Variants in TLCD4 observed in about 807,000 individuals in gnomAD.
TLCD4 encodes TLC domain containing 4.
TLCD4 carries 7 observed loss-of-function variants against 24.2 expected under a neutral mutation model. The observed-to-expected ratio is 0.29, with a 90% CI of 0.16 to 0.54. The LOEUF (loss-of-function observed/expected upper bound fraction) is 0.54. Ranked by LOEUF, TLCD4 falls within the 20% of genes least tolerant of loss-of-function variation. The pLI is 0.95. For missense variants in TLCD4, 259 were observed against 313.9 expected (o/e 0.82, Z 1.32); for synonymous variants, 103 against 106.4 (o/e 0.97, Z 0.20).
chr1:95,109,958 T>TACACAC, the TLCD4 span, among the ~76,000 whole-genome samples: 155 of 108,036 alleles, frequency 1.4e-3, 2 homozygotes, highest in Non-Finnish European at 2.2e-3. Context: ...TATATATATA[T>TACACAC]ACACACACAC....
At chr1:95,147,398 G>A (rs1677383138) in intron 2 of TLCD4, among the ~76,000 whole-genome samples, 1 of 152,136 alleles carries the variant, frequency 6.6e-6, no homozygotes, top group African/African-American at 2.4e-5. Flanking sequence ...TTTATCCTGT[G>A]CTCAAGGTGT....
the TLCD4 span, among the ~76,000 whole-genome samples, chr1:95,094,590 C>A: frequency 6.6e-6 from 1 of 152,160 alleles, no homozygotes. Context: ...TATGCCACTG[C>A]ACAGGTTAAA....
chr1:95,126,375 C>T (rs887918643), intron 1 of TLCD4, among the ~76,000 whole-genome samples: 2 of 150,340 alleles, frequency 1.3e-5, no homozygotes, highest in East Asian at 4.0e-4. Context: ...TTGCAGTGAG[C>T]CGAGATCACT....
At chr1:95,165,467 G>GTT (rs992782348) in intron 5 of TLCD4, among the ~76,000 whole-genome samples, 3 of 107,108 alleles carry the variant, frequency 2.8e-5, no homozygotes, top group Admixed American at 8.8e-5. Flanking sequence ...GTGTGTGTGT[G>GTT]TTTTTTTTTT....
At chr1:95,123,627 T>TCC in intron 1 of TLCD4, among the ~76,000 whole-genome samples, 1 of 152,318 alleles carries the variant, frequency 6.6e-6, no homozygotes, top group East Asian at 1.9e-4. Context: ...ACACACCTAG[T>TCC]TATCAGTTTT....
At chr1:95,167,518 T>C (rs1345822275) in intron 5 of TLCD4, among the ~76,000 whole-genome samples, 2 of 152,036 alleles carry the variant, frequency 1.3e-5, no homozygotes, top group African/African-American at 2.4e-5. Context: ...TTGGAACATG[T>C]GCGGGGTCCA....
At chr1:95,189,711 A>G (rs1283659585) in intron 6 of TLCD4, among the ~76,000 whole-genome samples, 1 of 152,144 alleles carries the variant, frequency 6.6e-6, no homozygotes, top group East Asian at 1.9e-4. Flanking sequence ...TTGCTGTTAC[A>G]TTGATAGTTT....
intron 1 of TLCD4, among the ~76,000 whole-genome samples, chr1:95,118,433 G>A (rs1030413384): frequency 7.2e-5 from 11 of 152,148 alleles, no homozygotes; most frequent in African/African-American, 2.7e-4. Context: ...ACATTTGAGT[G>A]TTAATGTGGT....
chr1:95,093,170 C>T, the TLCD4 span, among the ~76,000 whole-genome samples: 1 of 152,152 alleles, frequency 6.6e-6, no homozygotes, highest in Non-Finnish European at 1.5e-5. Flanking sequence ...CAATTTTTAA[C>T]CTGAAGAATA....
At chr1:95,135,199 A>C (rs1347742876) in intron 1 of TLCD4, among the ~76,000 whole-genome samples, 1 of 152,038 alleles carries the variant, frequency 6.6e-6, no homozygotes, top group Non-Finnish European at 1.5e-5. Flanking sequence ...TAGACCCCAA[A>C]TCTTGTTTGC....
rs74229031 is a variant in TLCD4 at position 95,121,447 on chromosome 1, T to C, written c.-12+3830T>C. ...TCAAACTCATTAGGAAGTTGGCTGC[T>C]TGCCTCACAGAGAATTTGAAAAGTA... On this transcript the variant is annotated intron_variant, in intron 1 of 6. Coordinates refer to ENST00000370203, the MANE Select transcript of TLCD4 (RefSeq NM_152487.3). Among the ~76,000 whole-genome samples the C allele has an allele frequency of 4.9e-4, 75 of 152,330 alleles. No individual in the cohort carries two copies. In the East Asian group the frequency reaches 0.013, roughly 27 times the overall value.
chr1:95,190,138 T>C (rs928179517), intron 6 of TLCD4, among the ~76,000 whole-genome samples: 2 of 151,758 alleles, frequency 1.3e-5, no homozygotes, highest in African/African-American at 4.8e-5. Context: ...AGTCTCACTC[T>C]TGTTGCCTAG....
the TLCD4 span, among the ~76,000 whole-genome samples, chr1:95,102,842 C>T: frequency 6.6e-6 from 1 of 151,982 alleles, no homozygotes; most frequent in Non-Finnish European, 1.5e-5. Context: ...ATGGAAAGCT[C>T]AAGGGCTAGG....
intron 5 of TLCD4, among the ~76,000 whole-genome samples, chr1:95,167,991 C>A (rs755235090): frequency 2.6e-5 from 4 of 152,134 alleles, no homozygotes; most frequent in Non-Finnish European, 4.4e-5. Context: ...TTCGTCACCC[C>A]CACGACCTGG....
chr1:95,178,563 C>CTTTTT (rs57190787), intron 6 of TLCD4, among the ~76,000 whole-genome samples: 5,645 of 82,280 alleles, frequency 0.069, 421 homozygotes, highest in East Asian at 0.15. Context: ...ATGCCCAGCC[C>CTTTTT]TTTTTTTTTT....
At chr1:95,134,417 G>A (rs1676990466) in intron 1 of TLCD4, among the ~76,000 whole-genome samples, 1 of 152,182 alleles carries the variant, frequency 6.6e-6, no homozygotes, top group African/African-American at 2.4e-5. Context: ...TGAAGGGGCA[G>A]AGGTGCCAAG....
upstream of TLCD4, among the ~76,000 whole-genome samples, chr1:95,112,450 A>G (rs1313752856): frequency 6.6e-6 from 1 of 152,232 alleles, no homozygotes; most frequent in Non-Finnish European, 1.5e-5. Context: ...GGTATCCAGC[A>G]CAACCACTGA....
At chr1:95,112,328 G>A in the TLCD4 span, among the ~76,000 whole-genome samples, 1 of 152,118 alleles carries the variant, frequency 6.6e-6, no homozygotes, top group Non-Finnish European at 1.5e-5. Context: ...TAATATAGAT[G>A]TTCCAATAAC....
At chr1:95,163,045 G>T (rs1354846798) in intron 5 of TLCD4, among the ~76,000 whole-genome samples, 1 of 152,160 alleles carries the variant, frequency 6.6e-6, no homozygotes, top group Non-Finnish European at 1.5e-5. Context: ...TTGAATGTTG[G>T]CCTGCCTTGC....
Sources: gnomAD v4.1 joint callset for allele counts (sites outside exome capture counted in the v4.1 genomes callset) on GRCh38, gnomAD v4.1.1 for gene constraint, MANE v1.5 for transcripts, NCBI Gene and HGNC (gene_info 2026-07-23, HGNC 2026-07-21) for gene names.